JARID2: variants seen among roughly 807,000 people sequenced by gnomAD.
JARID2 encodes protein Jumonji.
In JARID2, 21 loss-of-function variants were observed where a neutral mutation model predicts 125.6. The ratio of observed to expected loss-of-function variants is 0.17; its 90% confidence interval spans 0.12 to 0.24. The LOEUF (loss-of-function observed/expected upper bound fraction) is 0.24, where lower values mean the gene tolerates loss of function less well. Among genes scored for constraint, JARID2 ranks in the 10% least tolerant of loss-of-function variants. The probability of loss-of-function intolerance (pLI) is 1.00; values close to 1 mark genes in which losing one functional copy is unlikely to be tolerated. For synonymous variants in JARID2, 736 were observed against 661.6 expected, an observed-to-expected ratio of 1.11 and a Z score of -1.73; for missense variants, 1,303 against 1,639.6, an observed-to-expected ratio of 0.79 and a Z score of 3.55.
At chr6:15,327,357 T>G (rs1453732221) in intron 1 of JARID2, among the ~76,000 whole-genome samples, 4 of 152,132 alleles carry the variant, frequency 2.6e-5, no homozygotes, top group Non-Finnish European at 5.9e-5. Flanking sequence ...ACCCCACCCC[T>G]GCACATTTTC....
intron 3 of JARID2, among the ~76,000 whole-genome samples, chr6:15,417,511 G>C (rs1025350390): frequency 3.9e-5 from 6 of 152,202 alleles, no homozygotes; most frequent in African/African-American, 1.4e-4. Context: ...GCTGAGGCCG[G>C]CCGGCCACTT....
chr6:15,423,653 A>AG (rs1766598516), intron 3 of JARID2, among the ~76,000 whole-genome samples: 1 of 152,172 alleles, frequency 6.6e-6, no homozygotes, highest in Admixed American at 6.5e-5. Flanking sequence ...ATTAAGTCTG[A>AG]GAGGTACCTC....
At chr6:15,321,252 G>A (rs901497183) in intron 1 of JARID2, among the ~76,000 whole-genome samples, 1 of 152,084 alleles carries the variant, frequency 6.6e-6, no homozygotes, top group African/African-American at 2.4e-5. Flanking sequence ...GGGATAAAGG[G>A]AATGAAGGGA....
intron 16 of JARID2, among the ~76,000 whole-genome samples, chr6:15,516,190 C>T (rs950529377): frequency 6.6e-6 from 1 of 152,162 alleles, no homozygotes; most frequent in African/African-American, 2.4e-5. Context: ...CACACTCCTA[C>T]AACGTGTTCT....
intron 1 of JARID2, chr6:15,369,286 G>GT (rs779656208): frequency 6.1e-5 from 28 of 459,450 alleles, no homozygotes; most frequent in East Asian, 3.4e-4. Flanking sequence ...TTGGCACAGT[G>GT]TTTTTTACTA....
intron 1 of JARID2, among the ~76,000 whole-genome samples, chr6:15,261,725 C>T (rs1242199599): frequency 6.6e-6 from 1 of 151,650 alleles, no homozygotes; most frequent in Non-Finnish European, 1.5e-5. Flanking sequence ...ACTGAATTTA[C>T]TTTTGTACTC....
At chr6:15,465,477 TC>T in intron 4 of JARID2, among the ~76,000 whole-genome samples, 1 of 152,304 alleles carries the variant, frequency 6.6e-6, no homozygotes, top group South Asian at 2.1e-4. Flanking sequence ...TTTGTAGATA[TC>T]AACAAAGTCT....
At chr6:15,420,191 T>G (rs1312108137) in intron 3 of JARID2, among the ~76,000 whole-genome samples, 1 of 152,170 alleles carries the variant, frequency 6.6e-6, no homozygotes, top group Non-Finnish European at 1.5e-5. Flanking sequence ...GATCACCAGG[T>G]CAGGAGTTCA....
intron 1 of JARID2, among the ~76,000 whole-genome samples, chr6:15,300,720 T>TGAGAGAGAGAGAGA (rs1264622122): frequency 8.4e-5 from 11 of 130,194 alleles, no homozygotes; most frequent in South Asian, 7.4e-4. Flanking sequence ...TGTGTGTGTG[T>TGAGAGAGAGAGAGA]GTGAGAGAGA....
chr6:15,309,588 C>T (rs892530917), intron 1 of JARID2, among the ~76,000 whole-genome samples: 3 of 151,922 alleles, frequency 2.0e-5, no homozygotes, highest in African/African-American at 7.3e-5. Flanking sequence ...ACAGTATTTA[C>T]AGTTTAATTT....
intron 1 of JARID2, 115 bp downstream of exon 1, chr6:15,246,699 C>A: frequency 1.1e-6 from 1 of 946,834 alleles, no homozygotes; most frequent in Non-Finnish European, 1.6e-6. Flanking sequence ...TCCGATAAGG[C>A]TGTTTCTTTT....
chr6:15,434,501 T>C (rs1767119380), intron 3 of JARID2, among the ~76,000 whole-genome samples: 1 of 152,186 alleles, frequency 6.6e-6, no homozygotes, highest in Non-Finnish European at 1.5e-5. Flanking sequence ...TGGAAGAGAA[T>C]GCATTGGTTT....
At chr6:15,338,618 G>T (rs1289644566) in intron 1 of JARID2, among the ~76,000 whole-genome samples, 1 of 152,136 alleles carries the variant, frequency 6.6e-6, no homozygotes, top group Admixed American at 6.5e-5. Flanking sequence ...CAAGGGGCAA[G>T]CCCAGGAAAG....
In JARID2 at chr6:15,521,967, G is replaced by C. The variant is rs2127781718; in HGVS notation, c.*1716G>C. On this transcript the variant is annotated 3_prime_UTR_variant, in exon 18 of 18. Coordinates refer to ENST00000341776, the MANE Select transcript of JARID2 (RefSeq NM_004973.4). ...TCATGTGGTTTATTGCGAGTTTTTT[G>C]TTTACTTTTCAGGTTTGTACTACAA... The C allele has an allele frequency of 6.6e-6, 1 of 152,068 alleles. No homozygotes were observed. Among genetic ancestry groups the C allele is most frequent in the East Asian group, 1.9e-4 (1 of 5,184 alleles). 9.4% of individuals were successfully genotyped at this position (152,068 alleles called of 1,614,324 possible). A position where few individuals can be genotyped will look rare whatever the true frequency, so the allele number is the denominator to read the frequency against.
chr6:15,477,504 GTTT>G (rs56055395), intron 5 of JARID2, among the ~76,000 whole-genome samples: 54,265 of 137,290 alleles, frequency 0.4, 10,789 homozygotes, highest in East Asian at 0.48. Flanking sequence ...GGGAGTGTTG[GTTT>G]TTTTTTTTTT....
chr6:15,493,495 G>A (rs576896350), intron 6 of JARID2, among the ~76,000 whole-genome samples: 58 of 152,256 alleles, frequency 3.8e-4, no homozygotes, highest in African/African-American at 1.3e-3. Flanking sequence ...CACTGTGTCC[G>A]TCTCCTTAAG....
intron 2 of JARID2, among the ~76,000 whole-genome samples, chr6:15,391,528 A>G (rs964669919): frequency 9.2e-5 from 14 of 152,236 alleles, no homozygotes; most frequent in Non-Finnish European, 1.5e-4. Flanking sequence ...GTTAGGGTCA[A>G]CAAAAGAAAA....
chr6:15,363,820 A>G (rs779501956), intron 1 of JARID2, among the ~76,000 whole-genome samples: 1 of 152,186 alleles, frequency 6.6e-6, no homozygotes, highest in African/African-American at 2.4e-5. Context: ...GGAGGCCCAT[A>G]CCTGTAATGA....
At chr6:15,419,312 T>C (rs547106684) in intron 3 of JARID2, among the ~76,000 whole-genome samples, 1 of 152,220 alleles carries the variant, frequency 6.6e-6, no homozygotes, top group Non-Finnish European at 1.5e-5. Context: ...ATGTACTCTC[T>C]ACTACAGAAA....
Sources: allele counts gnomAD v4.1 joint callset (sites outside exome capture counted in the v4.1 genomes callset), GRCh38; gene constraint gnomAD v4.1.1; transcripts MANE v1.5; gene names NCBI Gene and HGNC (gene_info 2026-07-23, HGNC 2026-07-21).